Variants in DMXL1 observed in about 807,000 individuals in gnomAD.
DMXL1 encodes Dmx like 1.
A neutral mutation model predicts 319.2 loss-of-function variants in DMXL1; 99 were observed. The observed-to-expected ratio is 0.31, with a 90% CI of 0.26 to 0.37. The LOEUF (loss-of-function observed/expected upper bound fraction) is 0.37. DMXL1 is among the 10% of genes least tolerant of loss of function. The pLI is 1.00. For synonymous variants in DMXL1, 1,385 were observed against 1,235.2 expected (o/e 1.12, Z -2.54); for missense variants, 3,745 against 3,595.6 (o/e 1.04, Z -1.06).
chr5:119,183,411 A>T (rs900134645), intron 28 of DMXL1, among the ~76,000 whole-genome samples: 4 of 152,242 alleles, frequency 2.6e-5, no homozygotes, highest in African/African-American at 7.2e-5. Flanking sequence ...GTGGTTTATT[A>T]TAAGGAACTT....
intron 9 of DMXL1, among the ~76,000 whole-genome samples, chr5:119,124,174 G>A (rs1762952364): frequency 6.6e-6 from 1 of 151,834 alleles, no homozygotes; most frequent in Non-Finnish European, 1.5e-5. Context: ...AATTAGCCAG[G>A]TGTGGTGGCA....
intron 25 of DMXL1, among the ~76,000 whole-genome samples, chr5:119,174,832 G>T (rs1374696183): frequency 6.6e-6 from 1 of 151,992 alleles, no homozygotes; most frequent in African/African-American, 2.4e-5. Flanking sequence ...TGTTTTTAAG[G>T]TAACTAGAAT....
chr5:119,075,176 A>C (rs140791902), intron 1 of DMXL1, among the ~76,000 whole-genome samples: 27 of 152,272 alleles, frequency 1.8e-4, no homozygotes, highest in African/African-American at 5.8e-4. Context: ...TGCTACATTT[A>C]AAAATAGCTT....
At chr5:119,080,940 A>G (rs1752061352) in intron 1 of DMXL1, among the ~76,000 whole-genome samples, 1 of 152,230 alleles carries the variant, frequency 6.6e-6, no homozygotes, top group East Asian at 1.9e-4. Flanking sequence ...AAAAAGATGT[A>G]AATCTGGCTA....
intron 34 of DMXL1, among the ~76,000 whole-genome samples, chr5:119,207,670 C>G (rs1006387276): frequency 1.3e-5 from 2 of 152,036 alleles, no homozygotes; most frequent in Non-Finnish European, 2.9e-5. Flanking sequence ...AGGCGCCCAC[C>G]ACCACACCTG....
chr5:119,159,731 C>A (rs570080426), intron 19 of DMXL1, among the ~76,000 whole-genome samples: 8 of 152,358 alleles, frequency 5.3e-5, no homozygotes, highest in African/African-American at 1.9e-4. Context: ...CCAAGCGATT[C>A]TCCTGCCTCA....
rs1418316035 is a variant in DMXL1, at chr5:119,171,151, A to G, written c.6360A>G (p.Arg2120=). 4 of 1,614,042 alleles carry G rather than the reference A, an allele frequency of 2.5e-6. No homozygotes were observed. Among genetic ancestry groups the G allele is most frequent in the Admixed American group, 1.7e-5 (1 of 60,020 alleles). Residue 2120 remains arginine, a synonymous_variant, in exon 24 of 44, where the codon AGA becomes AGG. Coordinates refer to ENST00000539542, the MANE Select transcript of DMXL1 (RefSeq NM_001290321.3). ...TGAGAGAAAATTTTCAGGAAAAAAG[A>G]CAGTGGCTCTTGAAGTATCAGTCAC... ...KQLRENFQEK[R]QWLLKYQSLL...
chr5:119,191,718 A>G (rs981248946), intron 29 of DMXL1, among the ~76,000 whole-genome samples: 7 of 152,102 alleles, frequency 4.6e-5, no homozygotes, highest in African/African-American at 1.7e-4. Context: ...GCTTTTGATA[A>G]TGCCTGTGGG....
intron 26 of DMXL1, among the ~76,000 whole-genome samples, chr5:119,175,716 A>C (rs1405950719): frequency 6.6e-6 from 1 of 152,194 alleles, no homozygotes; most frequent in Non-Finnish European, 1.5e-5. Context: ...AACTATAATA[A>C]GACAGTAGAT....
chr5:119,086,505 T>TG (rs1355467521), intron 1 of DMXL1, among the ~76,000 whole-genome samples: 1 of 152,218 alleles, frequency 6.6e-6, no homozygotes, highest in East Asian at 1.9e-4. Context: ...CTTGTAGTTT[T>TG]TTGTTGTTGT....
intron 38 of DMXL1, among the ~76,000 whole-genome samples, chr5:119,230,593 G>A (rs890638242): frequency 3.3e-5 from 5 of 152,114 alleles, no homozygotes; most frequent in African/African-American, 1.2e-4. Context: ...TTATAAAAAG[G>A]ATATCTGGGC....
At chr5:119,142,867 T>C (rs1034270064) in intron 13 of DMXL1, among the ~76,000 whole-genome samples, 1 of 152,040 alleles carries the variant, frequency 6.6e-6, no homozygotes, top group Non-Finnish European at 1.5e-5. Context: ...TAAAAAAGAA[T>C]GAAATGATGT....
intron 31 of DMXL1, 58 bp downstream of exon 31, chr5:119,196,514 T>A (rs775784561): frequency 2.7e-4 from 302 of 1,110,114 alleles, no homozygotes; most frequent in Non-Finnish European, 3.6e-4. Context: ...ACTACTCTGT[T>A]GTTTTTTTTT....
rs894975980 is a variant in DMXL1 at position 119,169,453 on chromosome 5, T to A, written c.5399-737T>A. On this transcript the variant is annotated intron_variant, in intron 23 of 43. Transcript: ENST00000539542. ...CAAAGGTAACTCCTGGCTTTTTAGA[T>A]TGAACAATAGGTAGATGATATGGGG... 1.3e-5 allele frequency among the ~76,000 whole-genome samples: 2 copies of A among 152,164 alleles called. 1 individual carries two copies. The highest frequency in any genetic ancestry group is 4.8e-5 in the African/African-American group (2 of 41,444).
At chr5:119,240,530 T>G in intron 42 of DMXL1, 59 bp downstream of exon 42, 1 of 1,174,228 alleles carries the variant, frequency 8.5e-7, no homozygotes, top group South Asian at 1.3e-5. Flanking sequence ...AGCTAAATAT[T>G]ATTTATAAGT....
At chr5:119,153,393 A>T (rs1450755668) in intron 19 of DMXL1, among the ~76,000 whole-genome samples, 2 of 152,278 alleles carry the variant, frequency 1.3e-5, no homozygotes, top group Non-Finnish European at 2.9e-5. Flanking sequence ...AAGTCAAACT[A>T]AACATATCCA....
At chr5:119,243,063 G>C (rs1789123162) in intron 42 of DMXL1, among the ~76,000 whole-genome samples, 1 of 152,160 alleles carries the variant, frequency 6.6e-6, no homozygotes, top group African/African-American at 2.4e-5. Flanking sequence ...AATTGACCAT[G>C]AAGGGGCATG....
At chr5:119,136,595 C>T (rs1766040375) in intron 13 of DMXL1, among the ~76,000 whole-genome samples, 1 of 152,366 alleles carries the variant, frequency 6.6e-6, no homozygotes, top group South Asian at 2.1e-4. Flanking sequence ...GTTTCATGGG[C>T]CAGGCCCAGG....
intron 38 of DMXL1, among the ~76,000 whole-genome samples, chr5:119,227,297 T>G (rs1189233779): frequency 6.6e-6 from 1 of 152,350 alleles, no homozygotes; most frequent in East Asian, 1.9e-4. Flanking sequence ...CCCTTTTTAA[T>G]AAGTATTTGT....
Sources: gnomAD v4.1 joint callset for allele counts (sites outside exome capture counted in the v4.1 genomes callset) on GRCh38, gnomAD v4.1.1 for gene constraint, MANE v1.5 for transcripts, NCBI Gene and HGNC (gene_info 2026-07-23, HGNC 2026-07-21) for gene names.